The following ACTR3C variants were observed in gnomAD, a reference collection of about 807,000 sequenced individuals.
ACTR3C encodes actin related protein 3C.
ACTR3C carries 18 observed loss-of-function variants against 26.3 expected under a neutral mutation model. The ratio of observed to expected loss-of-function variants is 0.68; its 90% CI spans 0.47 to 1.01. ACTR3C has a LOEUF of 1.01. Ranked by LOEUF, ACTR3C falls within the 50% of genes least tolerant of loss-of-function variation. ACTR3C has a pLI of 0.00. For synonymous variants in ACTR3C, 55 were observed against 94.5 expected, an observed-to-expected ratio of 0.58 and a Z score of 2.42; for missense variants, 184 against 250.7, an observed-to-expected ratio of 0.73 and a Z score of 1.80.
intron 6 of ACTR3C, among the ~76,000 whole-genome samples, chr7:150,249,652 G>A (rs1210922175): frequency 3.9e-5 from 6 of 151,996 alleles, no homozygotes; most frequent in African/African-American, 9.7e-5. Flanking sequence ...ATGGGGTTTC[G>A]CCATGTTGGC....
chr7:149,967,321 C>T, the ACTR3C span, among the ~76,000 whole-genome samples: 1 of 152,114 alleles, frequency 6.6e-6, no homozygotes, highest in Non-Finnish European at 1.5e-5. Context: ...AGGCATAAGC[C>T]ACGGTGCCTG....
At chr7:150,168,357 CTCCTTATGAGAATCTAATACCTGA>C in the ACTR3C span, among the ~76,000 whole-genome samples, 11 of 150,738 alleles carry the variant, frequency 7.3e-5, no homozygotes, top group Admixed American at 6.6e-5. Flanking sequence ...AGTCTGTGCA[CTCCTTATGAGAATCTAATACCTGA>C]TCCTTATGAG....
At chr7:149,991,946 TGTGCC>T in the ACTR3C span, among the ~76,000 whole-genome samples, 4 of 145,482 alleles carry the variant, frequency 2.7e-5, no homozygotes, top group Admixed American at 2.8e-4. Flanking sequence ...CACACAGAGG[TGTGCC>T]ACCACTCCCA....
the ACTR3C span, among the ~76,000 whole-genome samples, chr7:149,945,444 A>C: frequency 6.6e-6 from 1 of 152,304 alleles, no homozygotes; most frequent in East Asian, 1.9e-4. Context: ...GTCGAGACCA[A>C]AATGCTTTCT....
the ACTR3C span, among the ~76,000 whole-genome samples, chr7:149,918,115 C>A: frequency 6.6e-6 from 1 of 151,876 alleles, no homozygotes; most frequent in Admixed American, 6.6e-5. Flanking sequence ...AATATTTTAT[C>A]CAGATCCAGT....
chr7:150,250,202 CTTTT>C (rs1192764981), intron 6 of ACTR3C, among the ~76,000 whole-genome samples: 1 of 125,492 alleles, frequency 8.0e-6, no homozygotes, highest in African/African-American at 3.4e-5. Flanking sequence ...CAGAATCTGA[CTTTT>C]TTTTTTTTTT....
chr7:149,977,310 C>T, the ACTR3C span, among the ~76,000 whole-genome samples: 4 of 152,180 alleles, frequency 2.6e-5, no homozygotes, highest in Non-Finnish European at 5.9e-5. Flanking sequence ...GACACCAGCC[C>T]GTGATCCAGG....
chr7:150,224,411 A>G, the ACTR3C span, among the ~76,000 whole-genome samples: 1 of 152,230 alleles, frequency 6.6e-6, no homozygotes, highest in South Asian at 2.1e-4. Flanking sequence ...TGTGTGAAGG[A>G]GGCTCCTCTG....
At chr7:149,960,222 C>A in the ACTR3C span, among the ~76,000 whole-genome samples, 1 of 151,718 alleles carries the variant, frequency 6.6e-6, no homozygotes, top group Non-Finnish European at 1.5e-5. Context: ...AAAAGCAATT[C>A]TCTGGGTCTG....
the ACTR3C span, among the ~76,000 whole-genome samples, chr7:149,957,723 T>C: frequency 6.6e-6 from 1 of 150,502 alleles, no homozygotes; most frequent in Non-Finnish European, 1.5e-5. Flanking sequence ...CGACTCAGCC[T>C]CCATAAGCGT....
the ACTR3C span, among the ~76,000 whole-genome samples, chr7:150,005,486 C>CA: frequency 8.6e-5 from 13 of 152,022 alleles, no homozygotes; most frequent in African/African-American, 3.1e-4. Context: ...GCACGATGAA[C>CA]AAAATGCTGG....
At chr7:150,141,071 G>T in the ACTR3C span, among the ~76,000 whole-genome samples, 360 of 152,344 alleles carry the variant, frequency 2.4e-3, no homozygotes, top group Non-Finnish European at 3.5e-3. Flanking sequence ...CAATTCTATG[G>T]AGGCTGAGAA....
At chr7:150,139,001 T>C in the ACTR3C span, among the ~76,000 whole-genome samples, 7 of 152,298 alleles carry the variant, frequency 4.6e-5, no homozygotes, top group Non-Finnish European at 1.0e-4. Context: ...GAAAACAAGT[T>C]CAGGGCTCCC....
chr7:149,928,605 G>T, the ACTR3C span, among the ~76,000 whole-genome samples: 1 of 151,900 alleles, frequency 6.6e-6, no homozygotes, highest in Non-Finnish European at 1.5e-5. Context: ...ACCTTGGGAG[G>T]CAGAGGTGGG....
At chr7:150,045,726 G>C in the ACTR3C span, among the ~76,000 whole-genome samples, 1 of 152,038 alleles carries the variant, frequency 6.6e-6, no homozygotes, top group African/African-American at 2.4e-5. Context: ...AGAAGGACAT[G>C]TATACTCCAA....
At chr7:150,034,774 CA>C in the ACTR3C span, among the ~76,000 whole-genome samples, 2,469 of 113,166 alleles carry the variant, frequency 0.022, 1 homozygote, top group African/African-American at 0.036. Flanking sequence ...GGCCCTAAGC[CA>C]GGGGGGGAAG....
the ACTR3C span, among the ~76,000 whole-genome samples, chr7:150,139,687 G>T: frequency 3.3e-5 from 5 of 152,264 alleles, no homozygotes; most frequent in Non-Finnish European, 1.5e-5. Flanking sequence ...TCAAAGCCGG[G>T]CATGGCTTTC....
chr7:149,977,541 G>A, the ACTR3C span, among the ~76,000 whole-genome samples: 9 of 152,130 alleles, frequency 5.9e-5, no homozygotes, highest in Non-Finnish European at 1.0e-4. Context: ...CTTGTTAACT[G>A]GATTCTGCAG....
intron 3 of ACTR3C, among the ~76,000 whole-genome samples, chr7:150,289,877 A>G (rs1836099051): frequency 6.6e-6 from 1 of 152,260 alleles, no homozygotes; most frequent in Non-Finnish European, 1.5e-5. Flanking sequence ...AAACCACATA[A>G]GATAGTTCAT....
Sources: allele counts gnomAD v4.1 joint callset (sites outside exome capture counted in the v4.1 genomes callset), GRCh38; gene constraint gnomAD v4.1.1; transcripts MANE v1.5; gene names NCBI Gene and HGNC (gene_info 2026-07-23, HGNC 2026-07-21).